Variants in TMEM45A observed in about 807,000 individuals in gnomAD.
The protein encoded by TMEM45A is DNA polymerase-transactivated protein 4.
In TMEM45A, 25 loss-of-function variants were observed where a neutral mutation model predicts 32.0. That is an observed-to-expected ratio of 0.78 (90% CI 0.57 to 1.09). The LOEUF (loss-of-function observed/expected upper bound fraction) is 1.09, where lower values mean the gene tolerates loss of function less well. Among genes scored for constraint, TMEM45A ranks in the 50% least tolerant of loss-of-function variants. TMEM45A has a pLI of 0.00. For synonymous variants in TMEM45A, 122 were observed against 114.8 expected (o/e 1.06, Z -0.40); for missense variants, 302 against 325.0 (o/e 0.93, Z 0.54).
chr3:100,530,910 T>C (rs767310631), intron 1 of TMEM45A, among the ~76,000 whole-genome samples: 13 of 152,202 alleles, frequency 8.5e-5, no homozygotes, highest in Non-Finnish European at 1.9e-4. Flanking sequence ...TTTTACTGAT[T>C]GCATTCCCAT....
Position 100,496,470 on chromosome 3 carries a change from G to A in TMEM45A, c.-4+3542G>A, listed in dbSNP as rs115386662. ...TAGAACCAGTCTAACTTTGTAGCCC[G>A]AGCCTTACCCAATAGGCTATGCTAC... On this transcript the variant is annotated intron_variant, in intron 1 of 5. Coordinates refer to ENST00000323523, the MANE Select transcript of TMEM45A (RefSeq NM_018004.3). Among the ~76,000 whole-genome samples the A allele has an allele frequency of 4.1e-3, 620 of 152,288 alleles. 3 individuals are homozygous for A. Among genetic ancestry groups the A allele is most frequent in the Non-Finnish European group, 6.4e-3 (432 of 68,030 alleles).
chr3:100,537,494 C>T (rs1478604963), intron 1 of TMEM45A, among the ~76,000 whole-genome samples: 1 of 152,200 alleles, frequency 6.6e-6, no homozygotes, highest in Non-Finnish European at 1.5e-5. Context: ...ATTTTGGAAT[C>T]CTATCTAGGA....
intron 1 of TMEM45A, among the ~76,000 whole-genome samples, chr3:100,526,474 C>T (rs1234226997): frequency 6.6e-6 from 1 of 152,128 alleles, no homozygotes; most frequent in Non-Finnish European, 1.5e-5. Flanking sequence ...TGGCATCCAT[C>T]AAACTAGCTT....
intron 1 of TMEM45A, among the ~76,000 whole-genome samples, chr3:100,526,811 C>T (rs946754011): frequency 9.2e-5 from 14 of 152,096 alleles, no homozygotes; most frequent in African/African-American, 1.9e-4. Flanking sequence ...CTTAGAGTCC[C>T]CTAAGTAATT....
At chr3:100,551,238 C>T (rs1359416891) in intron 1 of TMEM45A, among the ~76,000 whole-genome samples, 1 of 152,228 alleles carries the variant, frequency 6.6e-6, no homozygotes, top group East Asian at 1.9e-4. Context: ...TGGTCTCGAT[C>T]TCCTGACCTC....
intron 1 of TMEM45A, among the ~76,000 whole-genome samples, chr3:100,544,076 TG>T (rs58096043): frequency 0.013 from 1,894 of 145,940 alleles, 39 homozygotes; most frequent in African/African-American, 0.05. Context: ...AAGTTTTAAG[TG>T]GTTTTTTTTT....
At chr3:100,564,031 G>A (rs1706380850) in intron 4 of TMEM45A, among the ~76,000 whole-genome samples, 1 of 152,224 alleles carries the variant, frequency 6.6e-6, no homozygotes, top group African/African-American at 2.4e-5. Context: ...CGGCAGTGAT[G>A]CAAATGTTTT....
At chr3:100,563,691 T>C (rs1706375809) in intron 4 of TMEM45A, among the ~76,000 whole-genome samples, 1 of 152,206 alleles carries the variant, frequency 6.6e-6, no homozygotes, top group African/African-American at 2.4e-5. Flanking sequence ...CTCAATTTTC[T>C]CTCTTGTTAT....
intron 1 of TMEM45A, among the ~76,000 whole-genome samples, chr3:100,503,349 C>T (rs1203734481): frequency 1.3e-5 from 2 of 152,158 alleles, no homozygotes; most frequent in Admixed American, 1.3e-4. Context: ...AAGTGATCCG[C>T]CCACCTCAGC....
At chr3:100,500,789 G>A (rs1707999154) in intron 1 of TMEM45A, among the ~76,000 whole-genome samples, 1 of 152,124 alleles carries the variant, frequency 6.6e-6, no homozygotes, top group South Asian at 2.1e-4. Flanking sequence ...TCTCCTTCAA[G>A]AGAAATTTAA....
In TMEM45A at chr3:100,558,500, G is replaced by A; in HGVS notation, c.499G>A (p.Ala167Thr). The change falls in exon 4 of 6, where the codon GCC (alanine) becomes ACC (threonine). Residue 167 changes from alanine to threonine, a missense_variant. Physicochemically the swap from Ala to Thr is moderately conservative, Grantham distance 58 (BLOSUM62 0). Coordinates refer to ENST00000323523, the MANE Select transcript of TMEM45A (RefSeq NM_018004.3). ...GGTCGTCTTTCTGACAGGCCTCGTT[G>A]CCTTCCTAGAGTTCCTTGTTCGGAA... ...VLVVFLTGLV[A>T]FLEFLVRNNV... 1 of 1,614,106 alleles carries A rather than the reference G, an allele frequency of 6.2e-7. No individual in the cohort carries two copies. The highest frequency in any genetic ancestry group is 8.5e-7 in the Non-Finnish European group (1 of 1,180,014).
chr3:100,516,184 T>C (rs774144795), intron 1 of TMEM45A, among the ~76,000 whole-genome samples: 5 of 152,202 alleles, frequency 3.3e-5, no homozygotes, highest in Non-Finnish European at 7.3e-5. Context: ...TCTGCTTTTA[T>C]CTAATGAGCT....
At chr3:100,529,023 T>A (rs1295244595) in intron 1 of TMEM45A, among the ~76,000 whole-genome samples, 1 of 152,232 alleles carries the variant, frequency 6.6e-6, no homozygotes, top group African/African-American at 2.4e-5. Flanking sequence ...ATTTGTTGGA[T>A]GGGCTTTTCT....
chr3:100,558,548 C>A lies in TMEM45A; in HGVS notation c.547C>A (p.Arg183=), dbSNP rs766289846. 2.0e-5 allele frequency: 33 copies of A among 1,613,984 alleles called. No homozygotes were observed. The highest frequency in any genetic ancestry group is 2.6e-5 in the Non-Finnish European group (31 of 1,179,978). The change falls in exon 4 of 6, where the codon CGG becomes AGG. Residue 183 remains arginine, a synonymous_variant. Transcript: ENST00000323523. The part of the protein sequence containing the change: ...VRNNVLLELL[R]SSLILLQGSW... ...GAACAATGTACTTCTGGAGCTATTGCGGTCAAGTCTCATTCTGCTTCAGGG... is the reference window on the plus strand; with the variant it reads ...GAACAATGTACTTCTGGAGCTATTGAGGTCAAGTCTCATTCTGCTTCAGGG...
chr3:100,511,147 G>A (rs1708153555), intron 1 of TMEM45A, among the ~76,000 whole-genome samples: 1 of 151,772 alleles, frequency 6.6e-6, no homozygotes, highest in South Asian at 2.1e-4. Flanking sequence ...TCCTCGAGAA[G>A]AGCAACTCCA....
At chr3:100,502,811 T>C (rs1015210064) in intron 1 of TMEM45A, among the ~76,000 whole-genome samples, 1 of 152,184 alleles carries the variant, frequency 6.6e-6, no homozygotes, top group African/African-American at 2.4e-5. Flanking sequence ...ATATTAAAAA[T>C]GTTAGCAAGG....
At chr3:100,575,891 A>C (rs973998608) in intron 5 of TMEM45A, among the ~76,000 whole-genome samples, 22 of 152,228 alleles carry the variant, frequency 1.4e-4, no homozygotes, top group Non-Finnish European at 2.9e-4. Flanking sequence ...GGCTTCATGC[A>C]CTTCCTTTAT....
chr3:100,530,793 G>A (rs570763856), intron 1 of TMEM45A, among the ~76,000 whole-genome samples: 1 of 152,308 alleles, frequency 6.6e-6, no homozygotes, highest in Admixed American at 6.5e-5. Flanking sequence ...ATATGACTCA[G>A]AAGTCTCTTT....
intron 4 of TMEM45A, among the ~76,000 whole-genome samples, chr3:100,561,835 A>AG (rs1706339201): frequency 6.6e-6 from 1 of 152,160 alleles, no homozygotes; most frequent in South Asian, 2.1e-4. Flanking sequence ...CAGCTCCACT[A>AG]GTCCCCCCAG....
Sources: gnomAD v4.1 joint callset for allele counts (sites outside exome capture counted in the v4.1 genomes callset) on GRCh38, gnomAD v4.1.1 for gene constraint, MANE v1.5 for transcripts, NCBI Gene and HGNC (gene_info 2026-07-23, HGNC 2026-07-21) for gene names.